DRC1: variants seen among roughly 807,000 people sequenced by gnomAD.
The protein encoded by DRC1 is dynein regulatory complex subunit 1, also known as dynein regulatory complex protein 1.
Under a neutral mutation model 98.7 loss-of-function variants are expected in DRC1, and 74 were observed. The observed-to-expected ratio is 0.75, with a 90% CI of 0.62 to 0.91. DRC1 has a LOEUF of 0.91. DRC1 is among the 40% of genes least tolerant of loss of function. The pLI, the probability that DRC1 is intolerant of heterozygous loss-of-function variation, is 0.00. For missense variants in DRC1, 875 were observed against 886.0 expected (o/e 0.99, Z 0.16); for synonymous variants, 336 against 334.1 (o/e 1.01, Z -0.06).
chr2:26,453,527 G>C lies in DRC1; in HGVS notation c.1897G>C (p.Val633Leu), dbSNP rs12623642. The change falls in exon 14 of 17, where the codon GTC (valine) becomes CTC (leucine). Residue 633 changes from valine to leucine, a missense_variant. By Grantham distance (32) the Val-to-Leu change is conservative (BLOSUM62 1). Transcript: ENST00000288710. ...TGTCCTCAAGATTCTGGAGGCCTTC[G>C]TCATGGGTCTGAAGAAGCCTAGGTG... Reference protein sequence around the residue: ...NDVLKILEAFVMGLKKPRDSR... With the variant: ...NDVLKILEAFLMGLKKPRDSR... 3 of 1,613,946 alleles carry C rather than the reference G, an allele frequency of 1.9e-6. No individual in the cohort carries two copies. The highest frequency in any genetic ancestry group is 4.5e-5 in the East Asian group (2 of 44,848).
chr2:26,436,826 C>T (rs1016660233), intron 7 of DRC1, among the ~76,000 whole-genome samples: 1 of 152,180 alleles, frequency 6.6e-6, no homozygotes, highest in African/African-American at 2.4e-5. Flanking sequence ...TGGAAATCAT[C>T]GGAGTAGACA....
intron 10 of DRC1, 63 bp downstream of exon 10, chr2:26,445,011 G>A: frequency 1.3e-6 from 2 of 1,540,208 alleles, no homozygotes; most frequent in East Asian, 2.3e-5. Context: ...ATCGGGTCAA[G>A]CCAGTCACGT....
At chr2:26,420,213 C>T (rs968642563) in intron 2 of DRC1, among the ~76,000 whole-genome samples, 7 of 152,118 alleles carry the variant, frequency 4.6e-5, no homozygotes, top group Non-Finnish European at 7.4e-5. Context: ...TCAGAAGTGG[C>T]ACACATTACT....
chr2:26,422,722 C>T (rs992034680), intron 3 of DRC1, among the ~76,000 whole-genome samples: 3 of 152,086 alleles, frequency 2.0e-5, no homozygotes, highest in African/African-American at 7.2e-5. Context: ...TCAAGACCAG[C>T]TTGGCCAACA....
intron 12 of DRC1, 90 bp downstream of exon 12, chr2:26,450,175 G>C: frequency 7.8e-7 from 1 of 1,275,716 alleles, no homozygotes; most frequent in Non-Finnish European, 1.1e-6. Context: ...CCTGGCAGTG[G>C]ACGAGGGTCT....
intron 7 of DRC1, among the ~76,000 whole-genome samples, chr2:26,432,655 T>G (rs1376135224): frequency 2.0e-5 from 3 of 151,408 alleles, no homozygotes; most frequent in Admixed American, 6.6e-5. Context: ...GCTACAGAGG[T>G]CTGGAAGCCA....
intron 10 of DRC1, chr2:26,448,224 C>CAAA (rs34461558): frequency 1.7e-3 from 508 of 302,816 alleles, no homozygotes; most frequent in South Asian, 2.8e-3. Context: ...GACTCCATCT[C>CAAA]AAAAAAAAAA....
At chr2:26,406,302 T>C (rs765199920) in intron 1 of DRC1, among the ~76,000 whole-genome samples, 1 of 152,212 alleles carries the variant, frequency 6.6e-6, no homozygotes, top group African/African-American at 2.4e-5. Context: ...ACTTTACCTA[T>C]AGGCAGTGCA....
chr2:26,428,329 T>C (rs868689610), intron 4 of DRC1, among the ~76,000 whole-genome samples: 1 of 152,226 alleles, frequency 6.6e-6, no homozygotes, highest in African/African-American at 2.4e-5. Flanking sequence ...GAGAACATCA[T>C]AACATGTGCT....
intron 1 of DRC1, among the ~76,000 whole-genome samples, chr2:26,403,876 G>C (rs886079429): frequency 2.0e-5 from 3 of 151,774 alleles, no homozygotes; most frequent in Admixed American, 6.6e-5. Flanking sequence ...TGAGGCGGGC[G>C]GGATCACGAG....
At position 26,449,988 on chromosome 2, in the gene DRC1, C is replaced by T; in HGVS notation, c.1510-8C>T. The T allele has an allele frequency of 6.2e-7, 1 of 1,613,442 alleles. No individual in the cohort carries two copies. Among genetic ancestry groups the T allele is most frequent in the Non-Finnish European group, 8.5e-7 (1 of 1,179,786 alleles). The stretch of plus-strand genomic sequence containing the variant: ...CCCGACAGGAGATGCCTTCTTCCTT[C>T]TCCCCAGGGGTTCCTCATAGAGAGC... On this transcript the variant is annotated splice_region_variant and splice_polypyrimidine_tract_variant and intron_variant, in intron 11 of 16. Coordinates refer to ENST00000288710, the MANE Select transcript of DRC1 (RefSeq NM_145038.5).
Position 26,440,359 on chromosome 2 carries a change from A to G in DRC1, c.889-19A>G. 2.5e-6 allele frequency: 4 copies of G among 1,592,896 alleles called. No individual in the cohort carries two copies. The highest frequency in any genetic ancestry group is 3.4e-6 in the Non-Finnish European group (4 of 1,170,702). The stretch of plus-strand genomic sequence containing the variant: ...TGTGTGTGTGTGTATATATATATAT[A>G]TAGTTTTTTTAACTTTAGATTCTTG... On this transcript the variant is annotated intron_variant, in intron 7 of 16. Coordinates refer to ENST00000288710, the MANE Select transcript of DRC1 (RefSeq NM_145038.5).
At chr2:26,443,139 A>T (rs1663759937) in intron 8 of DRC1, among the ~76,000 whole-genome samples, 1 of 152,156 alleles carries the variant, frequency 6.6e-6, no homozygotes, top group African/African-American at 2.4e-5. Flanking sequence ...GAATGTTTGC[A>T]TTTGAGAGAC....
chr2:26,412,927 C>T (rs964032329), intron 1 of DRC1, among the ~76,000 whole-genome samples: 9 of 152,090 alleles, frequency 5.9e-5, no homozygotes, highest in Admixed American at 3.3e-4. Flanking sequence ...GGACTACAGG[C>T]GCCCACCACC....
chr2:26,416,914 C>T (rs904006435), intron 2 of DRC1, among the ~76,000 whole-genome samples: 14 of 152,168 alleles, frequency 9.2e-5, no homozygotes, highest in African/African-American at 3.4e-4. Flanking sequence ...GAGGAGGCCT[C>T]AGGAAGCTTC....
chr2:26,448,992 C>G (rs545846891), intron 11 of DRC1, among the ~76,000 whole-genome samples, 189 bp downstream of exon 11: 2 of 152,362 alleles, frequency 1.3e-5, no homozygotes, highest in Non-Finnish European at 2.9e-5. Flanking sequence ...GAGGCCTTGC[C>G]TCTGAGCTGG....
intron 4 of DRC1, among the ~76,000 whole-genome samples, chr2:26,427,363 A>G (rs1262906097): frequency 6.6e-6 from 1 of 150,926 alleles, no homozygotes; most frequent in African/African-American, 2.4e-5. Flanking sequence ...TTACCCACCC[A>G]CCTCCACCTT....
At chr2:26,421,927 T>A (rs1386198570) in intron 3 of DRC1, among the ~76,000 whole-genome samples, 1 of 152,170 alleles carries the variant, frequency 6.6e-6, no homozygotes, top group Non-Finnish European at 1.5e-5. Context: ...GCTGTGTGTA[T>A]ACAAAAGGAG....
At chr2:26,408,999 C>T (rs1037948046) in intron 1 of DRC1, among the ~76,000 whole-genome samples, 9 of 152,080 alleles carry the variant, frequency 5.9e-5, no homozygotes. Context: ...GTGGTTTGAT[C>T]ATAGCTTAGT....
Sources: gnomAD v4.1 joint callset for allele counts (sites outside exome capture counted in the v4.1 genomes callset) on GRCh38, gnomAD v4.1.1 for gene constraint, MANE v1.5 for transcripts, NCBI Gene and HGNC (gene_info 2026-07-23, HGNC 2026-07-21) for gene names.